The following DYM variants were observed in gnomAD, a reference collection of about 807,000 sequenced individuals.
DYM encodes the protein dymeclin.
A neutral mutation model predicts 93.1 loss-of-function variants in DYM; 78 were observed. That is an observed-to-expected ratio of 0.84 (90% CI 0.70 to 1.01). The LOEUF (loss-of-function observed/expected upper bound fraction) is 1.01. Ranked by LOEUF, DYM falls within the 50% of genes least tolerant of loss-of-function variation. The pLI, the probability that DYM is intolerant of heterozygous loss-of-function variation, is 0.00. For synonymous variants in DYM, 321 were observed against 319.7 expected (o/e 1.00, Z -0.04); for missense variants, 789 against 845.0 (o/e 0.93, Z 0.82).
At chr18:49,068,168 G>A (rs148879427) in intron 17 of DYM, among the ~76,000 whole-genome samples, 39 of 152,292 alleles carry the variant, frequency 2.6e-4, no homozygotes, top group African/African-American at 8.9e-4. Context: ...AGTGTCCCTT[G>A]AATGCAGAGA....
intron 15 of DYM, 100 bp from the exon 16 acceptor site, chr18:49,119,026 G>T: frequency 1.0e-6 from 1 of 983,658 alleles, no homozygotes; most frequent in Non-Finnish European, 1.6e-6. Flanking sequence ...TAACAGCATT[G>T]GAAAGATCAT....
chr18:49,398,811 T>C (rs2070433409), intron 2 of DYM, among the ~76,000 whole-genome samples: 1 of 152,154 alleles, frequency 6.6e-6, no homozygotes, highest in African/African-American at 2.4e-5. Context: ...ATGATACACA[T>C]TAGTAGTTGG....
chr18:49,421,074 G>A (rs2073643066), intron 2 of DYM, among the ~76,000 whole-genome samples: 1 of 152,182 alleles, frequency 6.6e-6, no homozygotes, highest in African/African-American at 2.4e-5. Flanking sequence ...AATGGGGGCA[G>A]GGCACAGCTG....
intron 1 of DYM, among the ~76,000 whole-genome samples, chr18:49,432,165 C>G (rs1269192976): frequency 1.3e-5 from 2 of 151,848 alleles, no homozygotes; most frequent in African/African-American, 2.4e-5. Context: ...CTGAGGCGAT[C>G]TACTCAAAAT....
intron 2 of DYM, among the ~76,000 whole-genome samples, chr18:49,420,529 A>G (rs2073547377): frequency 6.6e-6 from 1 of 151,980 alleles, no homozygotes; most frequent in Non-Finnish European, 1.5e-5. Flanking sequence ...AAAAATTAAA[A>G]TTTGGGGGGA....
At chr18:49,217,412 A>T (rs1335416335) in intron 13 of DYM, among the ~76,000 whole-genome samples, 5 of 152,082 alleles carry the variant, frequency 3.3e-5, no homozygotes, top group African/African-American at 4.8e-5. Flanking sequence ...AACGCCACAA[A>T]GATACTCCTC....
intron 13 of DYM, among the ~76,000 whole-genome samples, chr18:49,232,205 T>G (rs568245834): frequency 6.6e-6 from 1 of 152,190 alleles, no homozygotes; most frequent in Non-Finnish European, 1.5e-5. Context: ...CCCCCCACTT[T>G]CCATATTCAT....
intron 15 of DYM, among the ~76,000 whole-genome samples, chr18:49,154,079 A>G (rs549372419): frequency 7.9e-4 from 120 of 152,164 alleles, no homozygotes; most frequent in Non-Finnish European, 1.5e-3. Flanking sequence ...CATGACCTCA[A>G]TCTAATCATG....
intron 1 of DYM, among the ~76,000 whole-genome samples, chr18:49,434,421 G>A (rs2080630854): frequency 6.6e-6 from 1 of 151,992 alleles, no homozygotes; most frequent in South Asian, 2.1e-4. Flanking sequence ...TTGGGAGGCT[G>A]AGACAGGAGA....
At chr18:49,438,285 CA>C (rs895314130) in intron 1 of DYM, among the ~76,000 whole-genome samples, 12 of 152,048 alleles carry the variant, frequency 7.9e-5, no homozygotes, top group African/African-American at 2.7e-4. Flanking sequence ...AGAATGTTAA[CA>C]AAAAAAATCG....
chr18:49,436,879 T>C (rs967049317), intron 1 of DYM, among the ~76,000 whole-genome samples: 1 of 152,208 alleles, frequency 6.6e-6, no homozygotes, highest in Non-Finnish European at 1.5e-5. Context: ...AATAGACCAG[T>C]ATCTTACTTT....
intron 16 of DYM, among the ~76,000 whole-genome samples, chr18:49,110,995 TTGTC>T (rs747085886): frequency 5.3e-4 from 80 of 152,344 alleles, no homozygotes; most frequent in Non-Finnish European, 9.7e-4. Context: ...TAGCAATTCT[TTGTC>T]TGTCACATGT....
chr18:49,143,008 TTTC>T (rs1204143945), intron 15 of DYM, among the ~76,000 whole-genome samples: 1 of 152,224 alleles, frequency 6.6e-6, no homozygotes, highest in Non-Finnish European at 1.5e-5. Flanking sequence ...GAAAAGACCT[TTTC>T]TTACTTTCCA....
At chr18:49,317,403 A>G (rs934572391) in intron 8 of DYM, among the ~76,000 whole-genome samples, 11 of 152,222 alleles carry the variant, frequency 7.2e-5, no homozygotes, top group African/African-American at 2.6e-4. Flanking sequence ...TTCCTGACAG[A>G]ATCTTTGGCA....
chr18:49,167,992 A>G (rs1376520710), intron 14 of DYM, among the ~76,000 whole-genome samples: 2 of 151,986 alleles, frequency 1.3e-5, no homozygotes, highest in South Asian at 4.1e-4. Flanking sequence ...AATATGAATA[A>G]ATCTCAAAAA....
chr18:49,209,551 C>G lies in DYM; in HGVS notation c.1625G>C (p.Ser542Thr). ...CSHILRSYAS[S>T]LFSLLSKKHN... ...TAAATGGACAGCAGAGGTTAATAACCTGGAAGCATAGGATCTGAGAATGTG... is the reference window on the plus strand; with the variant it reads ...TAAATGGACAGCAGAGGTTAATAACGTGGAAGCATAGGATCTGAGAATGTG... Residue 542 changes from serine to threonine, a missense_variant and splice_region_variant, in exon 14 of 18, where the codon AGT (serine) becomes ACT (threonine). Physicochemically the swap from Ser to Thr is moderately conservative, Grantham distance 58 (BLOSUM62 1). Coordinates refer to ENST00000675505, the MANE Select transcript of DYM (RefSeq NM_001353214.3). The G allele has an allele frequency of 1.6e-6, 2 of 1,289,016 alleles. No homozygotes were observed. The highest frequency in any genetic ancestry group is 1.2e-5 in the South Asian group (1 of 80,896). 79.8% of individuals were successfully genotyped at this position (1,289,016 alleles called of 1,614,324 possible).
intron 13 of DYM, among the ~76,000 whole-genome samples, chr18:49,230,918 A>C (rs1348006276): frequency 6.6e-6 from 1 of 152,242 alleles, no homozygotes; most frequent in African/African-American, 2.4e-5. Context: ...GGCAAAAAAG[A>C]GTATTTCTAC....
intron 13 of DYM, among the ~76,000 whole-genome samples, chr18:49,233,233 C>T (rs1429984251): frequency 1.3e-5 from 2 of 151,718 alleles, no homozygotes; most frequent in Non-Finnish European, 2.9e-5. Context: ...TGGTGTTGCA[C>T]CTGTAATCCC....
intron 13 of DYM, among the ~76,000 whole-genome samples, chr18:49,215,607 T>C (rs1157155209): frequency 6.6e-6 from 1 of 152,226 alleles, no homozygotes; most frequent in African/African-American, 2.4e-5. Flanking sequence ...TGTCATGTTT[T>C]GGGCAGTGTT....
Sources: allele counts gnomAD v4.1 joint callset (sites outside exome capture counted in the v4.1 genomes callset), GRCh38; gene constraint gnomAD v4.1.1; transcripts MANE v1.5; gene names NCBI Gene and HGNC (gene_info 2026-07-23, HGNC 2026-07-21).